The following CACNA1H variants were observed in gnomAD, a reference collection of about 807,000 sequenced individuals.
The protein encoded by CACNA1H is voltage-dependent T-type calcium channel subunit alpha-1H.
In CACNA1H, 149 loss-of-function variants were observed where a neutral mutation model predicts 192.5. The ratio of observed to expected loss-of-function variants is 0.77; its 90% CI spans 0.68 to 0.89. The LOEUF is 0.89. Ranked by LOEUF, CACNA1H falls within the 40% of genes least tolerant of loss-of-function variation. The probability of loss-of-function intolerance (pLI) is 0.00; values close to 1 mark genes in which losing one functional copy is unlikely to be tolerated. For synonymous variants in CACNA1H, 2,202 were observed against 1,475.2 expected (o/e 1.49, Z -11.29); for missense variants, 4,257 against 3,423.5 (o/e 1.24, Z -6.08).
In CACNA1H at chr16:1,220,271, C is replaced by T. The variant is rs768959857; in HGVS notation, c.6339C>T (p.Pro2113=). ...HITSSACPWQ[P]TAEPHGPEAS... ...CCAGCTCCGCCTGCCCCTGGCAGCC[C>T]ACAGCCGAGCCCCATGGCCCCGAAG... The change falls in exon 35 of 35, where the codon CCC becomes CCT. Residue 2113 remains proline (P), a synonymous_variant. Transcript: ENST00000348261. The T allele has an allele frequency of 1.3e-6, 2 of 1,587,266 alleles. No individual in the cohort carries two copies. The highest frequency in any genetic ancestry group is 1.1e-5 in the South Asian group (1 of 89,434).
intron 16 of CACNA1H, among the ~76,000 whole-genome samples, chr16:1,208,684 C>T (rs1052614888): frequency 6.6e-6 from 1 of 152,286 alleles, no homozygotes; most frequent in Non-Finnish European, 1.5e-5. Flanking sequence ...GTGAGCCAGA[C>T]GCCCTAGCAG....
At chr16:1,188,914 C>T (rs1292387709) in intron 2 of CACNA1H, among the ~76,000 whole-genome samples, 2 of 152,354 alleles carry the variant, frequency 1.3e-5, no homozygotes, top group Non-Finnish European at 2.9e-5. Flanking sequence ...ACTGCCCGCC[C>T]TGCGTCCACA....
chr16:1,198,449 C>G (rs1032172764), intron 5 of CACNA1H, among the ~76,000 whole-genome samples, 166 bp from the exon 6 acceptor site: 5 of 152,060 alleles, frequency 3.3e-5, no homozygotes, highest in African/African-American at 1.2e-4. Flanking sequence ...CCCGATCACA[C>G]TAGGGGTGCG....
At chr16:1,201,043 C>T (rs1029347748) in intron 8 of CACNA1H, among the ~76,000 whole-genome samples, 11 of 152,186 alleles carry the variant, frequency 7.2e-5, no homozygotes, top group Admixed American at 5.2e-4. Flanking sequence ...GCTGAAGAGC[C>T]AGGAACACCC....
At chr16:1,203,124 A>T (rs983283762) in intron 9 of CACNA1H, among the ~76,000 whole-genome samples, 1 of 152,040 alleles carries the variant, frequency 6.6e-6, no homozygotes, top group African/African-American at 2.4e-5. Flanking sequence ...GGGTGCCGGG[A>T]TGCTGTGTGC....
In CACNA1H at chr16:1,211,446, C is replaced by T. The variant is rs909351993; in HGVS notation, c.4351-35C>T. The T allele has an allele frequency of 1.9e-6, 3 of 1,611,802 alleles. No individual in the cohort carries two copies. The African/African-American group carries it at 4.0e-5, about 22-fold the overall frequency. On this transcript the variant is annotated intron_variant, in intron 22 of 34. Coordinates refer to ENST00000348261, the MANE Select transcript of CACNA1H (RefSeq NM_021098.3). ...AGTCCGGTGTGGGGTGGGGCACAGG[C>T]CAGGCCCTCCGCGGTGACCGTCGCA...
Position 1,212,497 on chromosome 16 carries a change from C to G in CACNA1H, c.4760-14C>G, listed in dbSNP as rs370900845. 4 of 1,610,594 alleles carry G rather than the reference C, an allele frequency of 2.5e-6. No homozygotes were observed. In the African/African-American group the frequency reaches 5.3e-5, roughly 22 times the overall value. ...CACGCCCTCGGCCCTCAGACCATCT[C>G]CTTGTCTTTCCAGGCACTTTCCCCA... On this transcript the variant is annotated splice_polypyrimidine_tract_variant and intron_variant, in intron 25 of 34. Coordinates refer to ENST00000348261, the MANE Select transcript of CACNA1H (RefSeq NM_021098.3).
At chr16:1,182,624 G>C (rs1294462714) in intron 2 of CACNA1H, among the ~76,000 whole-genome samples, 1 of 152,194 alleles carries the variant, frequency 6.6e-6, no homozygotes, top group African/African-American at 2.4e-5. Context: ...CCCCTGGGGA[G>C]AGGGGCTCCC....
At chr16:1,216,380 C>A (rs907910368) in intron 30 of CACNA1H, among the ~76,000 whole-genome samples, 2 of 152,266 alleles carry the variant, frequency 1.3e-5, no homozygotes, top group Admixed American at 1.3e-4. Flanking sequence ...ACAGGCCTGG[C>A]CAGCCTTGGA....
Position 1,210,797 on chromosome 16 carries a change from TG to T in CACNA1H, c.4053del (p.Leu1352CysfsTer56). ...ATTGGCCCTCCGCAGGTGGTGGCCC[TG>T]GGGCTGCTGTCCGGCGAGCACGCCT... The part of the protein sequence containing the change: ...VAEMMVKVVA[L>X]GLLSGEHAYL... On this transcript the variant is annotated frameshift_variant, in exon 21 of 35. Transcript: ENST00000348261. LOFTEE classifies it high-confidence loss of function. 6.2e-7 allele frequency: 1 copy of T among 1,601,130 alleles called. No individual in the cohort carries two copies.
At position 1,218,572 on chromosome 16, in the gene CACNA1H, C is replaced by T. The variant is rs374421144; in HGVS notation, c.5808C>T (p.Pro1936=). ...CCAACGACAGCTACATGTTCAGGCC[C>T]GTGGTGCCTGCCTCGGCGCCCCACC... ...SLPNDSYMFR[P]VVPASAPHPR... The change falls in exon 33 of 35, where the codon CCC becomes CCT. Residue 1936 remains proline (P), a synonymous_variant. Coordinates refer to ENST00000348261, the MANE Select transcript of CACNA1H (RefSeq NM_021098.3). 201 of 1,564,856 alleles carry T rather than the reference C, an allele frequency of 1.3e-4. No individual in the cohort carries two copies. In the African/African-American group the frequency reaches 1.7e-3, roughly 13 times the overall value.
chr16:1,154,754 C>T (rs1596274155), intron 2 of CACNA1H, among the ~76,000 whole-genome samples: 3 of 152,302 alleles, frequency 2.0e-5, no homozygotes, highest in South Asian at 2.1e-4. Context: ...CTACTCTCGG[C>T]CAGAGCGGCA....
chr16:1,220,129 G>A lies in CACNA1H; in HGVS notation c.6197G>A (p.Ser2066Asn). ...QSPPRSPRPA[S>N]VRTRKHTFGQ... ...CCACCACGCTCCCCACGGCCCGCCA[G>A]CGTCCGCACTCGTAAGCATACCTTC... Residue 2066 changes from serine (S) to asparagine (N), a missense_variant, in exon 35 of 35, where the codon AGC (serine) becomes AAC (asparagine). Physicochemically the swap from Ser to Asn is conservative, Grantham distance 46 (BLOSUM62 1). Coordinates refer to ENST00000348261, the MANE Select transcript of CACNA1H (RefSeq NM_021098.3). 6.7e-7 allele frequency: 1 copy of A among 1,494,534 alleles called. No individual in the cohort carries two copies. 92.6% of individuals were successfully genotyped at this position (1,494,534 alleles called of 1,614,324 possible).
intron 6 of CACNA1H, among the ~76,000 whole-genome samples, chr16:1,199,653 G>A (rs143232362): frequency 1.0e-3 from 144 of 140,752 alleles, no homozygotes; most frequent in African/African-American, 3.8e-3. Flanking sequence ...CCCTCACCCC[G>A]GGGTCCCCTC....
At chr16:1,206,076 G>A (rs759129358) in intron 11 of CACNA1H, 28 bp from the exon 12 acceptor site, 24 of 1,534,664 alleles carry the variant, frequency 1.6e-5, no homozygotes, top group African/African-American at 2.7e-5. Context: ...TCGTGGCCCC[G>A]CTGACCCTCG....
Position 1,221,237 on chromosome 16 carries a change from T to C in CACNA1H, c.*243T>C, listed in dbSNP as rs1185441901. On this transcript the variant is annotated 3_prime_UTR_variant, in exon 35 of 35. Coordinates refer to ENST00000348261, the MANE Select transcript of CACNA1H (RefSeq NM_021098.3). ...CGAGTTTTGCTACCAGCCGAGGCTG[T>C]GCGGGCAACTGGGTCAGCCTCCCGT... The C allele has an allele frequency of 8.2e-6, 4 of 490,714 alleles. No individual in the cohort carries two copies. In the East Asian group the frequency reaches 9.4e-5, roughly 12 times the overall value. 30.4% of individuals were successfully genotyped at this position (490,714 alleles called of 1,614,324 possible).
intron 2 of CACNA1H, among the ~76,000 whole-genome samples, chr16:1,177,332 C>T (rs1164039299): frequency 6.6e-6 from 1 of 152,186 alleles, no homozygotes; most frequent in Non-Finnish European, 1.5e-5. Flanking sequence ...ACACTGCAGC[C>T]GCCGGCACCC....
In CACNA1H at chr16:1,217,029, C is replaced by T. The variant is rs764896986; in HGVS notation, c.5323+19C>T. 2 of 1,568,568 alleles carry T rather than the reference C, an allele frequency of 1.3e-6. No homozygotes were observed. The highest frequency in any genetic ancestry group is 1.2e-5 in the South Asian group (1 of 85,800). ...AGGCTGGGTGAGTGGCTCCTGCGCC[C>T]TCCTCCTGGCACACATGGGGTCCTG... On this transcript the variant is annotated intron_variant, in intron 31 of 34. Coordinates refer to ENST00000348261, the MANE Select transcript of CACNA1H (RefSeq NM_021098.3).
At chr16:1,207,463 A>AGGGC in intron 14 of CACNA1H, 33 bp downstream of exon 14, 1 of 1,602,028 alleles carries the variant, frequency 6.2e-7, no homozygotes, top group South Asian at 1.1e-5. Context: ...TGCCAGGAGG[A>AGGGC]GGGCGATGAG....
Sources: gnomAD v4.1 joint callset for allele counts (sites outside exome capture counted in the v4.1 genomes callset) on GRCh38, gnomAD v4.1.1 for gene constraint, MANE v1.5 for transcripts, NCBI Gene and HGNC (gene_info 2026-07-23, HGNC 2026-07-21) for gene names.